The following FBXO42 variants were observed in gnomAD, a reference collection of about 807,000 sequenced individuals.
FBXO42 encodes the protein F-box only protein 42.
Under a neutral mutation model 71.7 loss-of-function variants are expected in FBXO42, and 12 were observed. The ratio of observed to expected loss-of-function variants is 0.17; its 90% CI spans 0.11 to 0.27. The LOEUF (loss-of-function observed/expected upper bound fraction) is 0.27. Among genes scored for constraint, FBXO42 ranks in the 10% least tolerant of loss-of-function variants. The pLI, the probability that FBXO42 is intolerant of heterozygous loss-of-function variation, is 1.00. For missense variants in FBXO42, 707 were observed against 911.9 expected (o/e 0.78, Z 2.89); for synonymous variants, 325 against 327.5 (o/e 0.99, Z 0.08).
At chr1:16,270,138 G>A (rs1295348690) in intron 4 of FBXO42, among the ~76,000 whole-genome samples, 2 of 152,122 alleles carry the variant, frequency 1.3e-5, no homozygotes, top group African/African-American at 4.8e-5. Flanking sequence ...TTACAGGTGT[G>A]AGCCACCACG....
At chr1:16,326,014 T>TTTTGTGTGTG (rs1553154799) in intron 1 of FBXO42, among the ~76,000 whole-genome samples, 1 of 137,420 alleles carries the variant, frequency 7.3e-6, no homozygotes, top group Non-Finnish European at 1.6e-5. Context: ...GTGCCCAAAT[T>TTTTGTGTGTG]TGTGTGTGTG....
intron 1 of FBXO42, among the ~76,000 whole-genome samples, chr1:16,326,889 G>A (rs989014848): frequency 1.3e-5 from 2 of 152,050 alleles, no homozygotes; most frequent in Non-Finnish European, 2.9e-5. Context: ...CCTTAAACAA[G>A]ATAGGTCTGC....
intron 1 of FBXO42, among the ~76,000 whole-genome samples, chr1:16,333,972 G>A (rs750566523): frequency 9.2e-5 from 14 of 152,010 alleles, no homozygotes; most frequent in Non-Finnish European, 1.9e-4. Context: ...TCAACTGTAC[G>A]GTAAAAATAA....
chr1:16,305,238 A>G (rs1354686297), intron 3 of FBXO42, among the ~76,000 whole-genome samples: 1 of 151,878 alleles, frequency 6.6e-6, no homozygotes, highest in East Asian at 1.9e-4. Context: ...TTTTTTAAAA[A>G]TTAGCCAGGC....
chr1:16,347,098 A>G (rs1201818612), intron 1 of FBXO42, among the ~76,000 whole-genome samples: 1 of 152,032 alleles, frequency 6.6e-6, no homozygotes, highest in East Asian at 1.9e-4. Context: ...ATAACTATAC[A>G]TTTATCAGAT....
At chr1:16,325,862 G>A (rs1342618178) in intron 1 of FBXO42, among the ~76,000 whole-genome samples, 1 of 152,108 alleles carries the variant, frequency 6.6e-6, no homozygotes, top group East Asian at 1.9e-4. Context: ...CTGACCTCAG[G>A]TGATCTGCCC....
In FBXO42 at chr1:16,315,471, T is replaced by C. The variant is rs950731526; in HGVS notation, c.-17-36A>G. ...TAAAACATAAATATCAGTATTCCACTGAAAGCAGCTCAAAAACAATTCAGG... is the reference window on the plus strand; with the variant it reads ...TAAAACATAAATATCAGTATTCCACCGAAAGCAGCTCAAAAACAATTCAGG... On this transcript the variant is annotated intron_variant, in intron 1 of 9. Coordinates refer to ENST00000375592, the MANE Select transcript of FBXO42 (RefSeq NM_018994.3). 5.7e-6 allele frequency: 9 copies of C among 1,579,532 alleles called. No individual in the cohort carries two copies. In the African/African-American group the frequency reaches 9.5e-5, roughly 17 times the overall value.
chr1:16,305,570 C>G (rs1166207725), intron 3 of FBXO42, among the ~76,000 whole-genome samples: 1 of 151,878 alleles, frequency 6.6e-6, no homozygotes, highest in Non-Finnish European at 1.5e-5. Flanking sequence ...AAAAGTTAAC[C>G]AGGTGTGATG....
At chr1:16,298,047 G>A (rs1284136046) in intron 3 of FBXO42, among the ~76,000 whole-genome samples, 4 of 151,978 alleles carry the variant, frequency 2.6e-5, no homozygotes, top group Middle Eastern at 6.8e-3. Context: ...CAAACATGGT[G>A]AAACCCCTCT....
intron 1 of FBXO42, among the ~76,000 whole-genome samples, chr1:16,342,816 G>A (rs2082619806): frequency 6.6e-6 from 1 of 152,186 alleles, no homozygotes; most frequent in East Asian, 1.9e-4. Flanking sequence ...GAGTGACTTG[G>A]TGCTGTTCTC....
intron 1 of FBXO42, among the ~76,000 whole-genome samples, chr1:16,320,580 T>G (rs974940516): frequency 1.3e-5 from 2 of 151,934 alleles, no homozygotes; most frequent in African/African-American, 4.8e-5. Context: ...CTGAGCTCAC[T>G]GCAACCTCTG....
intron 3 of FBXO42, among the ~76,000 whole-genome samples, chr1:16,295,411 G>A (rs1430628458): frequency 6.6e-6 from 1 of 150,880 alleles, no homozygotes; most frequent in Non-Finnish European, 1.5e-5. Context: ...CTTTTTTTGA[G>A]ATGGAGTCTC....
At chr1:16,296,455 G>T (rs2082131088) in intron 3 of FBXO42, among the ~76,000 whole-genome samples, 1 of 151,556 alleles carries the variant, frequency 6.6e-6, no homozygotes, top group African/African-American at 2.4e-5. Flanking sequence ...TTCGAGACCA[G>T]CCTGGCCAAC....
chr1:16,319,610 T>C (rs1254662428), intron 1 of FBXO42, among the ~76,000 whole-genome samples: 2 of 152,102 alleles, frequency 1.3e-5, no homozygotes, highest in Non-Finnish European at 2.9e-5. Context: ...TCCTGAAAAC[T>C]GTATTAGAAA....
chr1:16,319,305 T>G (rs977343367), intron 1 of FBXO42, among the ~76,000 whole-genome samples: 1 of 152,204 alleles, frequency 6.6e-6, no homozygotes, highest in Admixed American at 6.5e-5. Context: ...ATGCACTAAT[T>G]ATGTGTAACA....
At chr1:16,335,854 G>A (rs1211673800) in intron 1 of FBXO42, among the ~76,000 whole-genome samples, 4 of 144,534 alleles carry the variant, frequency 2.8e-5, no homozygotes, top group Non-Finnish European at 6.0e-5. Context: ...GTGACAGTGC[G>A]AGACTCCATC....
chr1:16,280,635 A>T (rs1281469746), intron 4 of FBXO42, among the ~76,000 whole-genome samples: 1 of 152,114 alleles, frequency 6.6e-6, no homozygotes, highest in Admixed American at 6.6e-5. Flanking sequence ...TCTAAAATAA[A>T]ACACTATGTT....
At chr1:16,261,889 T>G (rs182258621) in intron 4 of FBXO42, among the ~76,000 whole-genome samples, 11 of 152,136 alleles carry the variant, frequency 7.2e-5, no homozygotes, top group African/African-American at 2.4e-4. Flanking sequence ...TATTGTTGTA[T>G]TTTTAGTAGA....
intron 3 of FBXO42, among the ~76,000 whole-genome samples, chr1:16,296,522 T>C (rs901073713): frequency 3.3e-5 from 5 of 151,552 alleles, no homozygotes; most frequent in Admixed American, 6.6e-5. Context: ...TGGTGGCGCA[T>C]GCCTGTAATC....
Sources: gnomAD v4.1 joint callset for allele counts (sites outside exome capture counted in the v4.1 genomes callset) on GRCh38, gnomAD v4.1.1 for gene constraint, MANE v1.5 for transcripts, NCBI Gene and HGNC (gene_info 2026-07-23, HGNC 2026-07-21) for gene names.